The following RUNX3 variants were observed in gnomAD, a reference collection of about 807,000 sequenced individuals.
RUNX3 encodes the protein RUNX family transcription factor 3.
A neutral mutation model predicts 27.7 loss-of-function variants in RUNX3; 10 were observed. That is an observed-to-expected ratio of 0.36 (90% CI 0.22 to 0.61). RUNX3 has a LOEUF of 0.61. Among genes scored for constraint, RUNX3 ranks in the 20% least tolerant of loss-of-function variants. The probability of loss-of-function intolerance (pLI) is 0.72; values close to 1 mark genes in which losing one functional copy is unlikely to be tolerated. For synonymous variants in RUNX3, 270 were observed against 269.2 expected, an observed-to-expected ratio of 1.00 and a Z score of -0.03; for missense variants, 469 against 629.5, an observed-to-expected ratio of 0.75 and a Z score of 2.73.
intron 2 of RUNX3, among the ~76,000 whole-genome samples, chr1:24,940,732 CAAA>C (rs34576113): frequency 2.4e-5 from 3 of 126,586 alleles, no homozygotes; most frequent in Admixed American, 7.9e-5. Flanking sequence ...CTGTATCTAC[CAAA>C]AAAAAAAAAA....
At chr1:24,947,973 C>G (rs1209521756) in intron 2 of RUNX3, among the ~76,000 whole-genome samples, 1 of 152,224 alleles carries the variant, frequency 6.6e-6, no homozygotes, top group African/African-American at 2.4e-5. Flanking sequence ...CACCTTCTCC[C>G]GGGCCAGTTT....
intron 3 of RUNX3, among the ~76,000 whole-genome samples, chr1:24,917,412 G>A (rs1640910304): frequency 6.6e-6 from 1 of 152,182 alleles, no homozygotes; most frequent in African/African-American, 2.4e-5. Context: ...AAGGGGGCTG[G>A]GTACTGAGGA....
intron 2 of RUNX3, among the ~76,000 whole-genome samples, chr1:24,946,803 C>T (rs868625265): frequency 2.0e-5 from 3 of 152,302 alleles, no homozygotes; most frequent in Non-Finnish European, 2.9e-5. Context: ...CCACTGGCAG[C>T]CTGGACTTCT....
chr1:24,920,142 T>C (rs1365839523), intron 2 of RUNX3, among the ~76,000 whole-genome samples: 1 of 152,198 alleles, frequency 6.6e-6, no homozygotes, highest in Non-Finnish European at 1.5e-5. Context: ...AATGTTCTAT[T>C]TTTAGATAGA....
In RUNX3 at chr1:24,929,660, T is replaced by C. The variant is rs372120418; in HGVS notation, c.209A>G (p.Asp70Gly). 2.5e-6 allele frequency: 4 copies of C among 1,602,920 alleles called. No individual in the cohort carries two copies. Among genetic ancestry groups the C allele is most frequent in the Non-Finnish European group, 2.5e-6 (3 of 1,177,518 alleles). ...CACGGAGCAGAGGAAGTTGGGGCTGTCGGTGCGCACGAGCTCGCCTGCGTG... is the reference window on the plus strand; with the variant it reads ...CACGGAGCAGAGGAAGTTGGGGCTGCCGGTGCGCACGAGCTCGCCTGCGTG... The part of the protein sequence containing the change: ...ADHAGELVRT[D>G]SPNFLCSVLP... Residue 70 changes from aspartate (D) to glycine (G), a missense_variant, in exon 1 of 5, where the codon GAC (aspartate) becomes GGC (glycine). This residue lies in a region of RUNX3 where 75 missense variants were observed against 168.5 expected (regional missense o/e 0.45). Coordinates refer to ENST00000308873, the MANE Select transcript of RUNX3 (RefSeq NM_004350.3).
chr1:24,929,027 A>G lies in RUNX3; in HGVS notation c.282+560T>C, dbSNP rs771815411. On this transcript the variant is annotated intron_variant, in intron 1 of 4. Transcript: ENST00000308873. Reference sequence around the variant, plus strand: ...GGGCTGCCAGGGTTAGGGGTCCCCCAATCTCAACTCGCCATTCGGGACGCA... The same window carrying G: ...GGGCTGCCAGGGTTAGGGGTCCCCCGATCTCAACTCGCCATTCGGGACGCA... The G allele has an allele frequency of 5.5e-5, 25 of 456,860 alleles. 1 individual carries two copies. The highest frequency in any genetic ancestry group is 2.3e-4 in the South Asian group (15 of 64,572). The allele number at this position is 456,860 out of a possible 1,614,324, so 28.3% of individuals were successfully genotyped here.
chr1:24,957,961 T>A (rs544253475), intron 2 of RUNX3, among the ~76,000 whole-genome samples: 1 of 152,364 alleles, frequency 6.6e-6, no homozygotes, highest in East Asian at 1.9e-4. Context: ...ACAAGGGGTC[T>A]GACAGTCCCT....
intron 2 of RUNX3, among the ~76,000 whole-genome samples, chr1:24,960,510 G>GC (rs570012492): frequency 2.0e-5 from 3 of 152,030 alleles, no homozygotes; most frequent in African/African-American, 7.2e-5. Flanking sequence ...GAACGCGTTT[G>GC]CCCCCCCGCC....
chr1:24,964,162 G>T (rs1642192239), intron 2 of RUNX3, among the ~76,000 whole-genome samples: 1 of 152,224 alleles, frequency 6.6e-6, no homozygotes, highest in African/African-American at 2.4e-5. Context: ...GCAGGACAGG[G>T]GCTGGGGCTG....
At position 24,927,984 on chromosome 1, in the gene RUNX3, G is replaced by A. The variant is rs1018015650; in HGVS notation, c.283-254C>T. On this transcript the variant is annotated intron_variant, in intron 1 of 4. Transcript: ENST00000308873. The surrounding 1 kb of genome is among the most constrained non-coding windows in gnomAD (Gnocchi z 5.0). ...ACTGCTTACATAAACTGTGTCCCAA[G>A]AAATCATCCTTTCAATGAAATCTAA... 1.3e-5 allele frequency among the ~76,000 whole-genome samples: 2 copies of A among 152,178 alleles called. No individual in the cohort carries two copies. Among genetic ancestry groups the A allele is most frequent in the South Asian group, 4.1e-4 (2 of 4,824 alleles).
rs1640949095 is a variant in RUNX3, at chr1:24,919,293, G to A, written c.491C>T (p.Ala164Val). 1.2e-6 allele frequency: 2 copies of A among 1,605,470 alleles called. No homozygotes were observed. The highest frequency in any genetic ancestry group is 1.7e-6 in the Non-Finnish European group (2 of 1,176,474). ...CACCTTGATGGCTCGGTGGTAGGTC[G>A]CCACTTGGGTGGGGTTGGTGAACAC... is the stretch of plus-strand genomic sequence containing the variant. ...ITVFTNPTQV[A>V]TYHRAIKVTV... The change falls in exon 3 of 5, where the codon GCG (alanine) becomes GTG (valine). Residue 164 changes from alanine to valine, a missense_variant. This residue lies in a region of RUNX3 where 75 missense variants were observed against 168.5 expected (regional missense o/e 0.45). Transcript: ENST00000308873.
At position 24,958,210 on chromosome 1, in the gene RUNX3, G is replaced by A. The variant is rs77386590; in HGVS notation, c.58+6304C>T. 7.0e-3 allele frequency among the ~76,000 whole-genome samples: 1,065 copies of A among 152,276 alleles called. 11 individuals carry two copies. Among genetic ancestry groups the A allele is most frequent in the African/African-American group, 0.024 (1,010 of 41,556 alleles). Reference sequence around the variant, plus strand: ...GTTGCTCCTCCCAACCACCCTTTGAGGTCAGTGTTACTAGCCCATTTTACA... The same window carrying A: ...GTTGCTCCTCCCAACCACCCTTTGAAGTCAGTGTTACTAGCCCATTTTACA... On this transcript the variant is annotated intron_variant, in intron 2 of 6. Transcript: ENST00000338888.
chr1:24,930,085 C>G lies in RUNX3; in HGVS notation c.-217G>C. The stretch of plus-strand genomic sequence containing the variant: ...TGGCCCGACGGCCGCCCGCAGCCTG[C>G]CCGGCTAGTCCCGCATCCTCGGCGC... On this transcript the variant is annotated 5_prime_UTR_variant, in exon 1 of 5. Transcript: ENST00000308873. This position sits in a 1 kb window ranked among gnomAD's most constrained non-coding sequence, Gnocchi z 4.1. 1 of 979,946 alleles carries G rather than the reference C, an allele frequency of 1.0e-6. No homozygotes were observed. The highest frequency in any genetic ancestry group is 1.1e-4 in the East Asian group (1 of 8,732). The allele number at this position is 979,946 out of a possible 1,614,324, so 60.7% of individuals were successfully genotyped here.
chr1:24,912,641 C>T (rs886592999), intron 3 of RUNX3, among the ~76,000 whole-genome samples: 1 of 151,990 alleles, frequency 6.6e-6, no homozygotes, highest in Non-Finnish European at 1.5e-5. Flanking sequence ...AGCTGACAAG[C>T]ACCATCTTGT....
chr1:24,946,915 T>C (rs973089075), intron 2 of RUNX3, among the ~76,000 whole-genome samples: 1 of 152,168 alleles, frequency 6.6e-6, no homozygotes, highest in African/African-American at 2.4e-5. Flanking sequence ...AAAATACCCA[T>C]TTACTCAGCT....
intron 4 of RUNX3, among the ~76,000 whole-genome samples, chr1:24,905,925 C>T (rs769908045): frequency 1.3e-5 from 2 of 152,248 alleles, no homozygotes; most frequent in African/African-American, 4.8e-5. Context: ...CTCCTGGGCT[C>T]GAGAGCTGAG....
chr1:24,920,417 C>T (rs1049392301), intron 2 of RUNX3, among the ~76,000 whole-genome samples: 10 of 152,080 alleles, frequency 6.6e-5, no homozygotes, highest in African/African-American at 2.2e-4. Context: ...TCGTCACCCT[C>T]GCGTGTGAGG....
At position 24,916,832 on chromosome 1, in the gene RUNX3, G is replaced by A. The variant is rs1640899160; in HGVS notation, c.544+2408C>T. ...AGAGGGAGGTCACCTGTCTCAGGTG[G>A]TGCAGCAAGCCTGGCTTCTGACGCC... On this transcript the variant is annotated intron_variant, in intron 3 of 4. Coordinates refer to ENST00000308873, the MANE Select transcript of RUNX3 (RefSeq NM_004350.3). The surrounding 1 kb of genome is among the most constrained non-coding windows in gnomAD (Gnocchi z 4.8). 6.6e-6 allele frequency among the ~76,000 whole-genome samples: 1 copy of A among 152,160 alleles called. No individual in the cohort carries two copies. Among genetic ancestry groups the A allele is most frequent in the South Asian group, 2.1e-4 (1 of 4,824 alleles).
At chr1:24,944,375 C>T (rs575281444) in intron 2 of RUNX3, among the ~76,000 whole-genome samples, 1 of 152,316 alleles carries the variant, frequency 6.6e-6, no homozygotes, top group East Asian at 1.9e-4. Flanking sequence ...GTCTGCCTGG[C>T]TCAGCTACCC....
Sources: gnomAD v4.1 joint callset for allele counts (sites outside exome capture counted in the v4.1 genomes callset) on GRCh38, gnomAD v4.1.1 for gene constraint, gnomAD v4.1.1 regional missense constraint, Gnocchi (gnomAD v3.1) non-coding constraint, MANE v1.5 for transcripts, NCBI Gene and HGNC (gene_info 2026-07-23, HGNC 2026-07-21) for gene names.